The following KIAA1217 variants were observed in gnomAD, a reference collection of about 807,000 sequenced individuals.
The protein encoded by KIAA1217 is KIAA1217.
Under a neutral mutation model 163.9 loss-of-function variants are expected in KIAA1217, and 88 were observed. The ratio of observed to expected loss-of-function variants is 0.54; its 90% confidence interval spans 0.45 to 0.64. The LOEUF is 0.64. KIAA1217 is among the 30% of genes least tolerant of loss of function. The pLI, the probability that KIAA1217 is intolerant of heterozygous loss-of-function variation, is 0.00. For missense variants in KIAA1217, 2,372 were observed against 2,475.0 expected, an observed-to-expected ratio of 0.96 and a Z score of 0.88; for synonymous variants, 903 against 923.1, an observed-to-expected ratio of 0.98 and a Z score of 0.39.
intron 1 of KIAA1217, among the ~76,000 whole-genome samples, chr10:23,940,460 CAAAAAAAA>C (rs760090400): frequency 9.8e-4 from 45 of 46,046 alleles, no homozygotes; most frequent in African/African-American, 2.5e-3. Context: ...GACTCCGTCT[CAAAAAAAA>C]AAAAAAAAAA....
At chr10:24,379,522 C>T (rs2052997941) in intron 2 of KIAA1217, among the ~76,000 whole-genome samples, 1 of 152,164 alleles carries the variant, frequency 6.6e-6, no homozygotes, top group Non-Finnish European at 1.5e-5. Flanking sequence ...GACCTTATCC[C>T]TGCTTTCCTC....
chr10:24,338,909 C>G (rs1270575557), intron 2 of KIAA1217, among the ~76,000 whole-genome samples: 2 of 152,124 alleles, frequency 1.3e-5, no homozygotes, highest in African/African-American at 2.4e-5. Flanking sequence ...AACCAAGATT[C>G]ATTTCAGAAA....
intron 3 of KIAA1217, among the ~76,000 whole-genome samples, chr10:24,381,956 A>C (rs563214493): frequency 7.9e-5 from 12 of 152,128 alleles, no homozygotes; most frequent in Admixed American, 7.2e-4. Flanking sequence ...TGGTGTGTGT[A>C]GGGCACAGCT....
At chr10:23,847,379 T>C (rs888314038) in intron 1 of KIAA1217, among the ~76,000 whole-genome samples, 1 of 152,102 alleles carries the variant, frequency 6.6e-6, no homozygotes, top group Non-Finnish European at 1.5e-5. Context: ...CTTTTTAGGC[T>C]ATTAATTACT....
intron 2 of KIAA1217, among the ~76,000 whole-genome samples, chr10:24,076,904 C>G (rs1397707343): frequency 6.9e-6 from 1 of 144,100 alleles, no homozygotes; most frequent in Non-Finnish European, 1.5e-5. Flanking sequence ...TGAGATGGAG[C>G]CTCATTCTAT....
chr10:24,513,529 C>A, intron 10 of KIAA1217, 95 bp downstream of exon 10: 1 of 1,227,248 alleles, frequency 8.1e-7, no homozygotes, highest in Non-Finnish European at 1.2e-6. Context: ...TGGTCTTGCC[C>A]TCTCTTTATT....
At chr10:24,383,123 A>G (rs1237167321) in intron 3 of KIAA1217, among the ~76,000 whole-genome samples, 1 of 152,120 alleles carries the variant, frequency 6.6e-6, no homozygotes, top group African/African-American at 2.4e-5. Context: ...CTGGGATTAT[A>G]GGCATGAGCC....
At chr10:24,075,602 T>G (rs1331745226) in intron 2 of KIAA1217, among the ~76,000 whole-genome samples, 1 of 145,360 alleles carries the variant, frequency 6.9e-6, no homozygotes, top group Non-Finnish European at 1.5e-5. Context: ...TAAAAGCATT[T>G]TATCTTTTTT....
At chr10:24,105,637 T>C (rs957914131) in intron 2 of KIAA1217, among the ~76,000 whole-genome samples, 2 of 152,220 alleles carry the variant, frequency 1.3e-5, no homozygotes, top group African/African-American at 2.4e-5. Context: ...CCTTGGAGCT[T>C]AGTGGGTCCT....
At chr10:24,257,450 A>G (rs2075285512) in intron 2 of KIAA1217, among the ~76,000 whole-genome samples, 1 of 151,906 alleles carries the variant, frequency 6.6e-6, no homozygotes, top group South Asian at 2.1e-4. Context: ...CCCCTTTCTC[A>G]TTTTCTTTTT....
At chr10:24,017,840 C>A (rs973785401) in intron 2 of KIAA1217, among the ~76,000 whole-genome samples, 42 of 152,012 alleles carry the variant, frequency 2.8e-4, no homozygotes, top group African/African-American at 9.4e-4. Flanking sequence ...AAAGACATAG[C>A]AATGTGGAAC....
intron 1 of KIAA1217, among the ~76,000 whole-genome samples, chr10:23,704,631 CATT>C (rs1236083388): frequency 6.6e-6 from 1 of 152,132 alleles, no homozygotes; most frequent in East Asian, 1.9e-4. Context: ...TTGCATGTGT[CATT>C]AATTCCTTTC....
chr10:24,208,349 C>T (rs2067682197), upstream of KIAA1217, among the ~76,000 whole-genome samples: 2 of 148,890 alleles, frequency 1.3e-5, no homozygotes, highest in Non-Finnish European at 3.0e-5. Flanking sequence ...ACTAGTTTAC[C>T]TTTCAGATTT....
intron 1 of KIAA1217, among the ~76,000 whole-genome samples, chr10:23,916,318 C>G (rs1338740256): frequency 6.6e-6 from 1 of 152,124 alleles, no homozygotes; most frequent in Non-Finnish European, 1.5e-5. Context: ...TTTGAATTTG[C>G]ACTCTATTGT....
chr10:24,267,465 A>T lies in KIAA1217; in HGVS notation c.354+47556A>T, dbSNP rs145265092. Among the ~76,000 whole-genome samples, 669 of 152,296 alleles carry T rather than the reference A, an allele frequency of 4.4e-3. 6 individuals carry two copies. Among genetic ancestry groups the T allele is most frequent in the African/African-American group, 0.015 (639 of 41,558 alleles). ...CCATCTATCTGTATCTGTATCTATA[A>T]CTATATATCTACATCTATACCTATA... On this transcript the variant is annotated intron_variant, in intron 2 of 20. Transcript: ENST00000376454.
intron 2 of KIAA1217, among the ~76,000 whole-genome samples, chr10:24,095,886 G>T (rs781547933): frequency 6.6e-6 from 1 of 152,154 alleles, no homozygotes; most frequent in Admixed American, 6.5e-5. Flanking sequence ...TGGTAGGATC[G>T]CTTGAGGTCA....
Position 23,838,553 on chromosome 10 carries a change from G to A in KIAA1217, c.-321+143319G>A, listed in dbSNP as rs143216823. Among the ~76,000 whole-genome samples, 727 of 151,796 alleles carry A rather than the reference G, an allele frequency of 4.8e-3. 9 individuals carry two copies. The highest frequency in any genetic ancestry group is 0.016 in the African/African-American group (656 of 41,388). On this transcript the variant is annotated intron_variant, in intron 1 of 18. Coordinates refer to the KIAA1217 transcript ENST00000376462. ...TATGCTCACTGCAACCTCCGCCTCC[G>A]AGGCTCAAGCAATTCTCCTGCCTCA...
intron 1 of KIAA1217, among the ~76,000 whole-genome samples, chr10:23,739,419 G>A (rs1227264835): frequency 6.6e-6 from 1 of 152,144 alleles, no homozygotes; most frequent in East Asian, 1.9e-4. Flanking sequence ...AAAGATATAG[G>A]AAACAGAGCA....
intron 1 of KIAA1217, among the ~76,000 whole-genome samples, chr10:23,740,155 T>C (rs1373695150): frequency 6.6e-6 from 1 of 152,058 alleles, no homozygotes; most frequent in African/African-American, 2.4e-5. Flanking sequence ...GATATGAGAT[T>C]CATCAGTGGC....
Sources: gnomAD v4.1 joint callset for allele counts (sites outside exome capture counted in the v4.1 genomes callset) on GRCh38, gnomAD v4.1.1 for gene constraint, MANE v1.5 for transcripts, NCBI Gene and HGNC (gene_info 2026-07-23, HGNC 2026-07-21) for gene names.